The following GPHN variants were observed in gnomAD, a reference collection of about 807,000 sequenced individuals.
GPHN encodes the protein gephyrin.
GPHN carries 17 observed loss-of-function variants against 95.5 expected under a neutral mutation model. That is an observed-to-expected ratio of 0.18 (90% CI 0.12 to 0.27). The LOEUF (loss-of-function observed/expected upper bound fraction) is 0.27. Ranked by LOEUF, GPHN falls within the 10% of genes least tolerant of loss-of-function variation. The pLI, the probability that GPHN is intolerant of heterozygous loss-of-function variation, is 1.00. For missense variants in GPHN, 660 were observed against 978.1 expected (o/e 0.67, Z 4.34); for synonymous variants, 320 against 322.5 (o/e 0.99, Z 0.08).
chr14:67,438,627 G>A, the GPHN span, among the ~76,000 whole-genome samples: 2 of 152,126 alleles, frequency 1.3e-5, no homozygotes, highest in African/African-American at 2.4e-5. Flanking sequence ...TTGGGAGGTC[G>A]AGGTGGGTGG....
At chr14:66,609,631 ATAT>A (rs1036650346) in intron 1 of GPHN, among the ~76,000 whole-genome samples, 3 of 152,070 alleles carry the variant, frequency 2.0e-5, no homozygotes, top group African/African-American at 7.2e-5. Context: ...CATTTTTAAA[ATAT>A]TCTTTTTTCC....
intron 4 of GPHN, among the ~76,000 whole-genome samples, chr14:66,847,880 A>G (rs2062403118): frequency 6.6e-6 from 1 of 151,934 alleles, no homozygotes; most frequent in African/African-American, 2.4e-5. Flanking sequence ...CCTACCATCA[A>G]ATACTTCACT....
chr14:67,199,149 T>G, the GPHN span: 1 of 1,552,622 alleles, frequency 6.4e-7, no homozygotes, highest in East Asian at 2.2e-5. Context: ...ACCGCTACTG[T>G]GGGAACTGTT....
intron 2 of GPHN, among the ~76,000 whole-genome samples, chr14:66,683,589 G>A (rs2067139219): frequency 7.3e-6 from 1 of 137,380 alleles, no homozygotes. Flanking sequence ...ACTTTTCATT[G>A]ATTCAGGTAT....
the GPHN span, among the ~76,000 whole-genome samples, chr14:67,460,058 T>C: frequency 6.6e-6 from 1 of 152,192 alleles, no homozygotes; most frequent in African/African-American, 2.4e-5. Context: ...GTGTATCAGG[T>C]ACCAAAATGG....
chr14:67,372,805 C>T, the GPHN span, among the ~76,000 whole-genome samples: 72 of 148,100 alleles, frequency 4.9e-4, no homozygotes, highest in African/African-American at 1.6e-3. Flanking sequence ...TCCAGCCTGG[C>T]GACAGAGCAA....
At chr14:66,700,627 T>G (rs2068464525) in intron 2 of GPHN, among the ~76,000 whole-genome samples, 1 of 152,102 alleles carries the variant, frequency 6.6e-6, no homozygotes, top group East Asian at 1.9e-4. Context: ...AAATATCCAG[T>G]TAAAAATCTT....
At chr14:67,177,034 G>A (rs1026369006) in intron 21 of GPHN, among the ~76,000 whole-genome samples, 1 of 152,090 alleles carries the variant, frequency 6.6e-6, no homozygotes, top group Non-Finnish European at 1.5e-5. Context: ...CCAGCTCCTG[G>A]ATTCACTGAT....
At chr14:67,439,550 T>TTTCTTTC in the GPHN span, among the ~76,000 whole-genome samples, 9 of 61,878 alleles carry the variant, frequency 1.5e-4, no homozygotes, top group South Asian at 4.8e-3. Flanking sequence ...TCTTTCTTTC[T>TTTCTTTC]TTCTTTCTTT....
chr14:67,239,399 T>C, the GPHN span, among the ~76,000 whole-genome samples: 1 of 152,168 alleles, frequency 6.6e-6, no homozygotes, highest in Non-Finnish European at 1.5e-5. Context: ...GGGTAGAGGC[T>C]GGGGATGCTT....
chr14:67,729,917 C>G, the GPHN span: 2 of 427,338 alleles, frequency 4.7e-6, no homozygotes, highest in Admixed American at 5.4e-5. Flanking sequence ...AGGGTGAAAT[C>G]TCTTTCCCAT....
chr14:67,031,216 A>T (rs1470858649), intron 10 of GPHN, among the ~76,000 whole-genome samples: 1 of 152,144 alleles, frequency 6.6e-6, no homozygotes, highest in Non-Finnish European at 1.5e-5. Flanking sequence ...TCTTCTGGTT[A>T]GTTTTCTTGC....
chr14:67,703,475 T>C, the GPHN span, among the ~76,000 whole-genome samples: 1 of 152,168 alleles, frequency 6.6e-6, no homozygotes, highest in African/African-American at 2.4e-5. Flanking sequence ...GTGAGCTTTA[T>C]CTCAACACAA....
chr14:67,208,453 T>A, the GPHN span: 6 of 1,611,242 alleles, frequency 3.7e-6, no homozygotes, highest in Non-Finnish European at 4.2e-6. Flanking sequence ...AATCCAGGTA[T>A]GTGAGGCAGG....
rs574804363 is a variant in GPHN, at chr14:66,530,664, A to G, written c.64+22073A>G. 4.6e-5 allele frequency among the ~76,000 whole-genome samples: 7 copies of G among 152,262 alleles called. No homozygotes were observed. In the East Asian group the frequency reaches 1.2e-3, roughly 25 times the overall value. On this transcript the variant is annotated intron_variant, in intron 1 of 22. Coordinates refer to ENST00000478722, the MANE Select transcript of GPHN (RefSeq NM_020806.5). ...TGTACGGTCTACTGAGCCTGAGTGC[A>G]CAGTTCCTTACAGCACAGTCCCTCA...
chr14:67,176,876 A>G (rs966964730), intron 21 of GPHN, among the ~76,000 whole-genome samples: 1 of 152,208 alleles, frequency 6.6e-6, no homozygotes, highest in Non-Finnish European at 1.5e-5. Flanking sequence ...AGGTATTTAT[A>G]GTATTCTCTG....
intron 1 of GPHN, among the ~76,000 whole-genome samples, chr14:66,546,349 C>T (rs1377263849): frequency 1.3e-5 from 2 of 152,044 alleles, no homozygotes; most frequent in Non-Finnish European, 2.9e-5. Flanking sequence ...CAGAGAGGCT[C>T]CTCACTTCCC....
At position 66,872,029 on chromosome 14, in the gene GPHN, C is replaced by A. The variant is rs368468292; in HGVS notation, c.295-7910C>A. Among the ~76,000 whole-genome samples, 106 of 152,266 alleles carry A rather than the reference C, an allele frequency of 7.0e-4. No homozygotes were observed. In the East Asian group the frequency reaches 7.5e-3, roughly 11 times the overall value. On this transcript the variant is annotated intron_variant, in intron 4 of 22. Transcript: ENST00000478722. ...GTTAGTTTTTCTTTAAAATGTCTCC[C>A]ATTGTTAAATATCCTGTTATGCTAG...
At chr14:67,332,644 A>AAAGG in the GPHN span, 2 of 827,954 alleles carry the variant, frequency 2.4e-6, no homozygotes, top group Non-Finnish European at 3.7e-6. Flanking sequence ...ACAGGGTTGG[A>AAAGG]AAGGAGCTCC....
Sources: gnomAD v4.1 joint callset for allele counts (sites outside exome capture counted in the v4.1 genomes callset) on GRCh38, gnomAD v4.1.1 for gene constraint, MANE v1.5 for transcripts, NCBI Gene and HGNC (gene_info 2026-07-23, HGNC 2026-07-21) for gene names.